Variants in UMAD1 observed in about 807,000 individuals in gnomAD.
UMAD1 encodes the protein UBAP1-MVB12-associated (UMA) domain containing 1, also known as UBAP1-MVB12-associated (UMA)-domain containing protein 1.
UMAD1 carries 8 observed loss-of-function variants against 6.1 expected under a neutral mutation model. The ratio of observed to expected loss-of-function variants is 1.30; its 90% CI spans 0.76 to 2.35. The LOEUF (loss-of-function observed/expected upper bound fraction) is 2.35, where lower values mean the gene tolerates loss of function less well. Among genes scored for constraint, UMAD1 ranks in the 30% most tolerant of loss-of-function variants. The pLI is 0.00. For synonymous variants in UMAD1, 56 were observed against 31.4 expected (o/e 1.78, Z -2.61); for missense variants, 130 against 78.4 (o/e 1.66, Z -2.49).
chr7:7,701,343 T>C (rs759317192), intron 2 of UMAD1, among the ~76,000 whole-genome samples: 1 of 152,190 alleles, frequency 6.6e-6, no homozygotes, highest in Non-Finnish European at 1.5e-5. Flanking sequence ...TGAAGGTATG[T>C]GACAGTTTTT....
rs114691824 is a variant in UMAD1 at position 7,849,391 on chromosome 7, C to T, written c.157-27890C>T. 4.7e-3 allele frequency among the ~76,000 whole-genome samples: 708 copies of T among 152,188 alleles called. 3 individuals carry two copies. The highest frequency in any genetic ancestry group is 0.016 in the African/African-American group (674 of 41,524). On this transcript the variant is annotated intron_variant, in intron 3 of 3. Coordinates refer to ENST00000682710, the MANE Select transcript of UMAD1 (RefSeq NM_001302348.2). The stretch of plus-strand genomic sequence containing the variant: ...TTAACTACTATATTTATGTTGTGTC[C>T]TGCAGTTCAACACAGTTCACTATAA...
intron 3 of UMAD1, among the ~76,000 whole-genome samples, chr7:7,866,418 C>T (rs991452760): frequency 4.6e-5 from 7 of 152,012 alleles, no homozygotes; most frequent in Non-Finnish European, 7.4e-5. Flanking sequence ...ACTTGGCCCA[C>T]GTTTGGGGAG....
At chr7:7,778,275 T>TGTGTGTGTGTGA (rs1271237125) in intron 2 of UMAD1, among the ~76,000 whole-genome samples, 5 of 110,590 alleles carry the variant, frequency 4.5e-5, no homozygotes, top group South Asian at 3.2e-4. Flanking sequence ...TGTGTGTGTG[T>TGTGTGTGTGTGA]GAGAGAGAGA....
chr7:7,657,493 G>C (rs1027078812), intron 1 of UMAD1, among the ~76,000 whole-genome samples: 4 of 152,130 alleles, frequency 2.6e-5, no homozygotes, highest in African/African-American at 9.7e-5. Flanking sequence ...TTTTGTATAA[G>C]GTGTAAGGGA....
chr7:7,828,724 C>T (rs1181482169), intron 3 of UMAD1, among the ~76,000 whole-genome samples: 1 of 141,504 alleles, frequency 7.1e-6, no homozygotes, highest in Non-Finnish European at 1.5e-5. Context: ...TGAAGCTCTC[C>T]TGAACTCCAG....
chr7:7,762,823 G>A (rs1269350433), intron 2 of UMAD1, among the ~76,000 whole-genome samples: 1 of 152,046 alleles, frequency 6.6e-6, no homozygotes, highest in Non-Finnish European at 1.5e-5. Context: ...ATTTGTTTTC[G>A]TCGAAGGCTT....
At chr7:7,741,596 T>A (rs1388758007) in intron 2 of UMAD1, among the ~76,000 whole-genome samples, 5,432 of 146,320 alleles carry the variant, frequency 0.037, 253 homozygotes, top group African/African-American at 0.099. Flanking sequence ...ATAATAATAA[T>A]AATAATAATA....
intron 1 of UMAD1, among the ~76,000 whole-genome samples, chr7:7,648,414 C>T (rs984959482): frequency 1.3e-5 from 2 of 152,144 alleles, no homozygotes; most frequent in South Asian, 2.1e-4. Context: ...GTGTGTCTGT[C>T]TTGTAAATAG....
At chr7:7,814,517 C>T (rs1041491217) in intron 3 of UMAD1, among the ~76,000 whole-genome samples, 1 of 151,858 alleles carries the variant, frequency 6.6e-6, no homozygotes, top group Non-Finnish European at 1.5e-5. Context: ...TTTTCCTGGA[C>T]GTAATTTTTA....
At chr7:7,668,780 A>G (rs1302306138) in intron 1 of UMAD1, among the ~76,000 whole-genome samples, 1 of 152,238 alleles carries the variant, frequency 6.6e-6, no homozygotes, top group Non-Finnish European at 1.5e-5. Context: ...AAAACAAGTA[A>G]GATAATTATT....
At chr7:7,665,036 C>A (rs1249479745) in intron 1 of UMAD1, among the ~76,000 whole-genome samples, 2 of 152,124 alleles carry the variant, frequency 1.3e-5, no homozygotes, top group Non-Finnish European at 2.9e-5. Flanking sequence ...CACATTCATA[C>A]ACATGTATTT....
intron 2 of UMAD1, among the ~76,000 whole-genome samples, chr7:7,768,530 AG>A (rs1169550804): frequency 6.6e-6 from 1 of 152,008 alleles, no homozygotes; most frequent in Non-Finnish European, 1.5e-5. Flanking sequence ...TCATCCTCCG[AG>A]ATTAAACTGC....
chr7:7,641,401 C>T (rs547339656), intron 1 of UMAD1: 5 of 152,398 alleles, frequency 3.3e-5, no homozygotes, highest in Admixed American at 3.3e-4. Context: ...AGGGTTCTCC[C>T]TTCTGAGGCG....
intron 2 of UMAD1, among the ~76,000 whole-genome samples, chr7:7,745,555 A>T (rs1006136108): frequency 8.7e-6 from 1 of 115,492 alleles, no homozygotes; most frequent in Non-Finnish European, 1.8e-5. Context: ...ACTTTTGGGA[A>T]TAAATATAAG....
At chr7:7,664,356 C>G (rs1203546112) in intron 1 of UMAD1, among the ~76,000 whole-genome samples, 1 of 152,174 alleles carries the variant, frequency 6.6e-6, no homozygotes, top group East Asian at 1.9e-4. Flanking sequence ...GTCTCTCTAG[C>G]ATGCTATTTT....
At chr7:7,850,810 G>T (rs1347560064) in intron 3 of UMAD1, among the ~76,000 whole-genome samples, 1 of 152,026 alleles carries the variant, frequency 6.6e-6, no homozygotes, top group South Asian at 2.1e-4. Flanking sequence ...TGAAGGATTT[G>T]GGGGTCTTAC....
chr7:7,860,777 A>AC (rs1172300014), intron 3 of UMAD1, among the ~76,000 whole-genome samples: 1 of 87,286 alleles, frequency 1.1e-5, no homozygotes, highest in Non-Finnish European at 2.5e-5. Flanking sequence ...TCCATCTCAA[A>AC]AAAAAAAAAA....
intron 3 of UMAD1, among the ~76,000 whole-genome samples, chr7:7,850,814 G>A (rs1783901167): frequency 6.6e-6 from 1 of 152,002 alleles, no homozygotes; most frequent in Admixed American, 6.6e-5. Flanking sequence ...GGATTTGGGG[G>A]TCTTACAAAG....
At chr7:7,782,732 CTCTT>C (rs1278785656) in intron 2 of UMAD1, among the ~76,000 whole-genome samples, 13 of 145,924 alleles carry the variant, frequency 8.9e-5, no homozygotes, top group Non-Finnish European at 1.8e-4. Flanking sequence ...TATAACCTCT[CTCTT>C]TTTTTTTTTT....
Sources: allele counts gnomAD v4.1 joint callset (sites outside exome capture counted in the v4.1 genomes callset), GRCh38; gene constraint gnomAD v4.1.1; transcripts MANE v1.5; gene names NCBI Gene and HGNC (gene_info 2026-07-23, HGNC 2026-07-21).